The following LRRC37B variants were observed in gnomAD, a reference collection of about 807,000 sequenced individuals.
The protein encoded by LRRC37B is leucine-rich repeat-containing protein 37B.
A neutral mutation model predicts 98.3 loss-of-function variants in LRRC37B; 28 were observed. That is an observed-to-expected ratio of 0.28 (90% CI 0.21 to 0.39). LRRC37B has a LOEUF of 0.39. Ranked by LOEUF, LRRC37B falls within the 10% of genes least tolerant of loss-of-function variation. The probability of loss-of-function intolerance (pLI) is 1.00; values close to 1 mark genes in which losing one functional copy is unlikely to be tolerated. For missense variants in LRRC37B, 938 were observed against 1,182.7 expected, an observed-to-expected ratio of 0.79 and a Z score of 3.03; for synonymous variants, 364 against 442.7, an observed-to-expected ratio of 0.82 and a Z score of 2.23.
rs746799802 is a variant in LRRC37B, at chr17:32,041,008, T to C, written c.2205-4692T>C. On this transcript the variant is annotated intron_variant, in intron 7 of 11. Coordinates refer to ENST00000327564, the Ensembl canonical transcript of LRRC37B. ...GAGAAGTTTGAGGACTCCAAGGAGG[T>C]AGCAGAAACCAGCATGCACAACCTC... 10 of 793,944 alleles carry C rather than the reference T, an allele frequency of 1.3e-5. No homozygotes were observed. In the African/African-American group the frequency reaches 1.3e-4, roughly 11 times the overall value. The allele number at this position is 793,944 out of a possible 1,614,324, so 49.2% of individuals were successfully genotyped here.
At chr17:32,052,366 G>A (rs1157888421) in intron 11 of LRRC37B, 2 of 152,080 alleles carry the variant, frequency 1.3e-5, no homozygotes, top group Non-Finnish European at 2.9e-5. Flanking sequence ...GTAGAGACAA[G>A]ATCTTGCTAT....
intron 2 of LRRC37B, among the ~76,000 whole-genome samples, chr17:32,025,030 G>GTT (rs772444987): frequency 0.71 from 49,906 of 69,884 alleles, 20,654 homozygotes; most frequent in East Asian, 0.96. Context: ...TTTTTTCCTC[G>GTT]TTTTTTTTTT....
chr17:32,048,854 G>T, intron 9 of LRRC37B: 1 of 1,494,466 alleles, frequency 6.7e-7, no homozygotes, highest in East Asian at 2.3e-5. Context: ...TGCTCCTTCA[G>T]AACGTTTTAT....
chr17:32,042,255 A>G (rs1911461845), intron 7 of LRRC37B: 1 of 173,162 alleles, frequency 5.8e-6, no homozygotes, highest in African/African-American at 2.4e-5. Flanking sequence ...ACCCTCACAC[A>G]CCAAGTACCT....
Position 32,022,308 on chromosome 17 carries a change from G to C in LRRC37B, c.1243G>C (p.Asp415His), listed in dbSNP as rs1373823739. ...TTCTTCTACAGCCCTGAGGACTACAGATCCTCCTCCAGAACACCCTGAGGT... is the reference window on the plus strand; with the variant it reads ...TTCTTCTACAGCCCTGAGGACTACACATCCTCCTCCAGAACACCCTGAGGT... The change falls in exon 1 of 12, where the codon GAT (aspartate) becomes CAT (histidine). Residue 415 changes from aspartate to histidine, a missense_variant. Around this residue, in one of 2 missense-constraint regions of LRRC37B, gnomAD observed 610 missense variants for 625.6 expected, o/e 0.98. Transcript: ENST00000327564. The C allele has an allele frequency of 2.5e-6, 4 of 1,613,824 alleles. No homozygotes were observed. In the African/African-American group the frequency reaches 4.0e-5, roughly 16 times the overall value.
intron 5 of LRRC37B, among the ~76,000 whole-genome samples, chr17:32,032,384 G>A (rs999678424): frequency 1.3e-5 from 2 of 152,308 alleles, no homozygotes; most frequent in African/African-American, 2.4e-5. Context: ...AAAAAATTTT[G>A]TAAAGAAAAT....
At chr17:32,037,995 C>T (rs923379560) in intron 7 of LRRC37B, among the ~76,000 whole-genome samples, 3 of 152,010 alleles carry the variant, frequency 2.0e-5, no homozygotes, top group East Asian at 1.9e-4. Context: ...GGTGTAGTGG[C>T]GGGCACCTTT....
chr17:32,040,416 T>G, intron 7 of LRRC37B: 1 of 525,812 alleles, frequency 1.9e-6, no homozygotes, highest in Admixed American at 2.3e-5. Flanking sequence ...CGGGCGGAGG[T>G]TCTGCGGCGG....
At chr17:32,040,160 A>C (rs187605127) in intron 7 of LRRC37B, 532 of 160,274 alleles carry the variant, frequency 3.3e-3, no homozygotes, top group Non-Finnish European at 5.3e-3. Flanking sequence ...CTCATGTGTA[A>C]TCTTTAAAGC....
chr17:32,019,547 C>T (rs780191823), upstream of LRRC37B, among the ~76,000 whole-genome samples: 2 of 152,118 alleles, frequency 1.3e-5, no homozygotes, highest in Non-Finnish European at 2.9e-5. Flanking sequence ...CAAAAGAAAA[C>T]AGTAATTATT....
chr17:32,026,146 A>G (rs1443378040), intron 2 of LRRC37B, among the ~76,000 whole-genome samples: 1 of 152,222 alleles, frequency 6.6e-6, no homozygotes. Context: ...ATTCAAAGTA[A>G]CATTTTTCAC....
intron 8 of LRRC37B, chr17:32,047,363 G>A (rs1911615724): frequency 4.0e-6 from 1 of 250,698 alleles, no homozygotes; most frequent in African/African-American, 2.2e-5. Context: ...AGGAGAGTGG[G>A]AGCCTTGTGC....
At chr17:32,021,871 G>A (rs373335078) in exon 1 of LRRC37B, 2 of 1,614,134 alleles carry the variant, frequency 1.2e-6, no homozygotes, top group African/African-American at 1.3e-5. Flanking sequence ...CCAGAACTCC[G>A]GGTGAACGCA....
Position 32,030,538 on chromosome 17 carries a change from A to G in LRRC37B, c.1905-118A>G, listed in dbSNP as rs1473618322. On this transcript the variant is annotated intron_variant, in intron 3 of 11. Coordinates refer to ENST00000327564, the Ensembl canonical transcript of LRRC37B. ...TCTGGAAAGTTCAAATACAGGTCCA[A>G]ATGTTTAGAGTCGAGATGAAAAATG... 7.2e-6 allele frequency: 6 copies of G among 832,082 alleles called. No homozygotes were observed. The South Asian group carries it at 7.4e-5, about 10-fold the overall frequency. 51.5% of individuals were successfully genotyped at this position (832,082 alleles called of 1,614,324 possible). A position where few individuals can be genotyped will look rare whatever the true frequency, so the allele number is the denominator to read the frequency against.
At chr17:32,053,193 A>C (rs1911806639) in intron 11 of LRRC37B, 73 bp from the exon 15 acceptor site, 1 of 986,000 alleles carries the variant, frequency 1.0e-6, no homozygotes, top group African/African-American at 1.6e-5. Context: ...AAAATGAATA[A>C]AAGGAATGAA....
intron 1 of LRRC37B, among the ~76,000 whole-genome samples, chr17:32,014,611 A>G (rs1305870956): frequency 2.0e-5 from 3 of 152,180 alleles, no homozygotes; most frequent in Non-Finnish European, 1.5e-5. Flanking sequence ...TAAAACACAA[A>G]TGGTTGTTTC....
chr17:32,038,630 G>A (rs1428590481), intron 7 of LRRC37B, among the ~76,000 whole-genome samples: 1 of 152,192 alleles, frequency 6.6e-6, no homozygotes, highest in Non-Finnish European at 1.5e-5. Flanking sequence ...GCCGAGGCAG[G>A]TGGATCACCT....
intron 7 of LRRC37B, 46 bp from the exon 11 acceptor site, chr17:32,045,654 G>A (rs1176780992): frequency 1.2e-6 from 2 of 1,600,422 alleles, no homozygotes; most frequent in African/African-American, 2.7e-5. Context: ...ACCTACTCAA[G>A]TAACCGCTTT....
At chr17:32,046,718 G>A (rs1306830428) in intron 8 of LRRC37B, among the ~76,000 whole-genome samples, 1 of 150,594 alleles carries the variant, frequency 6.6e-6, no homozygotes, top group Non-Finnish European at 1.5e-5. Flanking sequence ...GCTAAGTGCT[G>A]TAGCCTAGTG....
Sources: gnomAD v4.1 joint callset for allele counts (sites outside exome capture counted in the v4.1 genomes callset) on GRCh38, gnomAD v4.1.1 for gene constraint, gnomAD v4.1.1 regional missense constraint, MANE v1.5 for transcripts, NCBI Gene and HGNC (gene_info 2026-07-23, HGNC 2026-07-21) for gene names.